Variants in SHISAL1 observed in about 807,000 individuals in gnomAD.
SHISAL1 encodes the protein shisa like 1, also known as protein shisa-like-1.
Under a neutral mutation model 22.6 loss-of-function variants are expected in SHISAL1, and 9 were observed. The ratio of observed to expected loss-of-function variants is 0.40; its 90% CI spans 0.24 to 0.70. The LOEUF is 0.70. Among genes scored for constraint, SHISAL1 ranks in the 30% least tolerant of loss-of-function variants. The pLI is 0.39. For synonymous variants in SHISAL1, 119 were observed against 115.4 expected (o/e 1.03, Z -0.20); for missense variants, 246 against 270.6 (o/e 0.91, Z 0.64).
At chr22:44,317,449 T>C (rs2055565322), upstream of SHISAL1, among the ~76,000 whole-genome samples, 1 of 152,184 alleles carries the variant, frequency 6.6e-6, no homozygotes, top group South Asian at 2.1e-4. Flanking sequence ...TCTTGAGCCC[T>C]TGCAAACCCT....
At chr22:44,305,762 G>A (rs1472188878) in intron 1 of SHISAL1, among the ~76,000 whole-genome samples, 3 of 152,178 alleles carry the variant, frequency 2.0e-5, no homozygotes, top group Non-Finnish European at 4.4e-5. Context: ...GCCTGGCTGT[G>A]CCCCCAACCC....
chr22:44,299,042 C>T (rs79055058), intron 2 of SHISAL1, among the ~76,000 whole-genome samples: 6,419 of 152,306 alleles, frequency 0.042, 186 homozygotes, highest in Non-Finnish European at 0.06. Flanking sequence ...GTCTCCAAGG[C>T]GGGCTGGGGG....
rs2054982575 is a variant in SHISAL1 at position 44,244,591 on chromosome 22, A to C, written c.*5094T>G. 6.6e-6 allele frequency: 1 copy of C among 152,230 alleles called. No individual in the cohort carries two copies. Among genetic ancestry groups the C allele is most frequent in the African/African-American group, 2.4e-5 (1 of 41,452 alleles). 9.4% of individuals were successfully genotyped at this position (152,230 alleles called of 1,614,324 possible). A position where few individuals can be genotyped will look rare whatever the true frequency, so the allele number is the denominator to read the frequency against. ...ACTAGAAACTGGGGTGGTGGGGGGC[A>C]ATGACACCTCCAAGGTCACTTTCAC... is the stretch of plus-strand genomic sequence containing the variant. On this transcript the variant is annotated 3_prime_UTR_variant, in exon 5 of 5. Coordinates refer to ENST00000381176, the MANE Select transcript of SHISAL1 (RefSeq NM_001099294.2).
chr22:44,300,882 C>A lies in SHISAL1; in HGVS notation c.64G>T (p.Ala22Ser), dbSNP rs1211458093. 6.2e-7 allele frequency: 1 copy of A among 1,614,034 alleles called. No individual in the cohort carries two copies. Among genetic ancestry groups the A allele is most frequent in the Admixed American group, 1.7e-5 (1 of 60,026 alleles). Residue 22 changes from alanine (A) to serine (S), a missense_variant, in exon 2 of 5, where the codon GCA (alanine) becomes TCA (serine). By Grantham distance (99) the Ala-to-Ser change is moderately conservative (BLOSUM62 1). Coordinates refer to ENST00000381176, the MANE Select transcript of SHISAL1 (RefSeq NM_001099294.2). ...CCAGCATCCACGGAGGTTTTACCTG[C>A]AGAAAACAGCAATGAGAAGAGGACG... Reference protein sequence around the residue: ...LAVLFSLLFSAVLSAHFRVCE... With the variant: ...LAVLFSLLFSSVLSAHFRVCE...
intron 4 of SHISAL1, among the ~76,000 whole-genome samples, chr22:44,262,593 C>A (rs1206240070): frequency 6.6e-6 from 1 of 152,218 alleles, no homozygotes; most frequent in African/African-American, 2.4e-5. Flanking sequence ...TGTCACTAGC[C>A]CAGAACTGCA....
chr22:44,266,533 T>TGG, intron 4 of SHISAL1, among the ~76,000 whole-genome samples: 1 of 144,538 alleles, frequency 6.9e-6, no homozygotes, highest in East Asian at 2.1e-4. Context: ...GGGGTATGTG[T>TGG]GTGTGTGTGT....
intron 1 of SHISAL1, among the ~76,000 whole-genome samples, chr22:44,308,461 G>A (rs1051525839): frequency 3.9e-5 from 6 of 152,158 alleles, no homozygotes; most frequent in African/African-American, 1.4e-4. Context: ...GGTGCCTCTG[G>A]GCCTTTACTC....
intron 4 of SHISAL1, among the ~76,000 whole-genome samples, chr22:44,264,627 G>A (rs557244038): frequency 7.2e-5 from 11 of 152,290 alleles, no homozygotes; most frequent in African/African-American, 2.2e-4. Flanking sequence ...CTCTAATGTG[G>A]CCCAAGATGT....
At chr22:44,274,379 T>C (rs2055225411) in intron 4 of SHISAL1, among the ~76,000 whole-genome samples, 1 of 152,004 alleles carries the variant, frequency 6.6e-6, no homozygotes, top group Admixed American at 6.6e-5. Context: ...TCGAGACCCA[T>C]AAAACTGTCC....
At chr22:44,304,933 G>A (rs1046405796) in intron 1 of SHISAL1, among the ~76,000 whole-genome samples, 1 of 152,144 alleles carries the variant, frequency 6.6e-6, no homozygotes, top group Non-Finnish European at 1.5e-5. Flanking sequence ...AGTGAATGAG[G>A]AGGATCTACC....
chr22:44,269,434 G>GAC (rs529367782), intron 4 of SHISAL1, among the ~76,000 whole-genome samples: 1 of 123,782 alleles, frequency 8.1e-6, no homozygotes, highest in African/African-American at 3.2e-5. Context: ...ACAGACAGAA[G>GAC]ACACACACAC....
rs1426946619 is a variant in SHISAL1 at position 44,243,943 on chromosome 22, C to G, written c.*5742G>C. ...GCTGCATGCCCTTGTCCAGCTGGCCCTGGGGACGACACATCAGCCTTTTGT... is the reference window on the plus strand; with the variant it reads ...GCTGCATGCCCTTGTCCAGCTGGCCGTGGGGACGACACATCAGCCTTTTGT... On this transcript the variant is annotated 3_prime_UTR_variant, in exon 5 of 5. Transcript: ENST00000381176. The G allele has an allele frequency of 6.6e-6, 1 of 152,188 alleles. No homozygotes were observed. The highest frequency in any genetic ancestry group is 1.5e-5 in the Non-Finnish European group (1 of 68,096). The allele number at this position is 152,188 out of a possible 1,614,324, so 9.4% of individuals were successfully genotyped here.
At chr22:44,259,618 G>A (rs2055108633) in intron 4 of SHISAL1, among the ~76,000 whole-genome samples, 1 of 152,132 alleles carries the variant, frequency 6.6e-6, no homozygotes, top group South Asian at 2.1e-4. Context: ...ATGGCTGCAT[G>A]TGGGGATGGG....
At chr22:44,286,887 G>A (rs920533917) in intron 3 of SHISAL1, among the ~76,000 whole-genome samples, 1 of 152,230 alleles carries the variant, frequency 6.6e-6, no homozygotes, top group Non-Finnish European at 1.5e-5. Context: ...CGCCGCCTCC[G>A]TCTGCTCCCT....
intron 1 of SHISAL1, among the ~76,000 whole-genome samples, chr22:44,301,792 G>C (rs1161409783): frequency 6.6e-6 from 1 of 152,156 alleles, no homozygotes; most frequent in Non-Finnish European, 1.5e-5. Context: ...TATGAACTAG[G>C]CAAGGCACAA....
chr22:44,295,674 T>C (rs1375098543), intron 3 of SHISAL1, among the ~76,000 whole-genome samples: 1 of 151,854 alleles, frequency 6.6e-6, no homozygotes, highest in African/African-American at 2.4e-5. Context: ...CCTTCATATA[T>C]AAAAAGCACC....
In SHISAL1 at chr22:44,285,514, C is replaced by A; in HGVS notation, c.513G>T (p.Pro171=). The change falls in exon 4 of 5, where the codon CCG becomes CCT. Residue 171 remains proline (P), a synonymous_variant. Coordinates refer to ENST00000381176, the MANE Select transcript of SHISAL1 (RefSeq NM_001099294.2). ...RAPQPQPPPG[P]LPQAPQAVHT... ...GCACGGCCTGTGGGGCTTGTGGCAG[C>A]GGGCCTGGGGGAGGCTGCGGCTGTG... 2 of 1,613,762 alleles carry A rather than the reference C, an allele frequency of 1.2e-6. No individual in the cohort carries two copies. Among genetic ancestry groups the A allele is most frequent in the Non-Finnish European group, 8.5e-7 (1 of 1,179,782 alleles).
At chr22:44,260,871 C>T (rs135435) in intron 4 of SHISAL1, among the ~76,000 whole-genome samples, 92,747 of 151,452 alleles carry the variant, frequency 0.61, 28,998 homozygotes, top group South Asian at 0.68. Context: ...AGTCTTTGCA[C>T]TCCCCAGAGT....
chr22:44,294,971 A>G (rs2055375849), intron 3 of SHISAL1, among the ~76,000 whole-genome samples: 1 of 152,270 alleles, frequency 6.6e-6, no homozygotes, highest in Non-Finnish European at 1.5e-5. Context: ...TTGTATGGAA[A>G]TGTTTGACAT....
Sources: allele counts gnomAD v4.1 joint callset (sites outside exome capture counted in the v4.1 genomes callset), GRCh38; gene constraint gnomAD v4.1.1; transcripts MANE v1.5; gene names NCBI Gene and HGNC (gene_info 2026-07-23, HGNC 2026-07-21).